The following HSD17B7 variants were observed in gnomAD, a reference collection of about 807,000 sequenced individuals.
The protein encoded by HSD17B7 is hydroxysteroid 17-beta dehydrogenase 7.
A neutral mutation model predicts 34.1 loss-of-function variants in HSD17B7; 17 were observed. The observed-to-expected ratio is 0.50, with a 90% CI of 0.34 to 0.75. The LOEUF is 0.75. Among genes scored for constraint, HSD17B7 ranks in the 30% least tolerant of loss-of-function variants. The pLI, the probability that HSD17B7 is intolerant of heterozygous loss-of-function variation, is 0.01. For synonymous variants in HSD17B7, 122 were observed against 154.6 expected (o/e 0.79, Z 1.56); for missense variants, 296 against 406.6 (o/e 0.73, Z 2.34).
rs751097341 is a variant in HSD17B7, at chr1:162,805,473, A to T, written c.884A>T (p.Asn295Ile). Residue 295 changes from asparagine (N) to isoleucine (I), a missense_variant, in exon 8 of 9, where the codon AAT (asparagine) becomes ATT (isoleucine). Physicochemically the swap from Asn to Ile is moderately radical, Grantham distance 149. Coordinates refer to ENST00000254521, the MANE Select transcript of HSD17B7 (RefSeq NM_016371.4). ...YLSATTGFGRNYIMTQKMDLD... is the reference protein window; with the variant it reads ...YLSATTGFGRIYIMTQKMDLD... Reference sequence around the variant, plus strand: ...AGTGCCACCACTGGCTTTGGAAGAAATTACATTATGACCCAGAAGGTAAAT... The same window carrying T: ...AGTGCCACCACTGGCTTTGGAAGAATTTACATTATGACCCAGAAGGTAAAT... The T allele has an allele frequency of 6.2e-7, 1 of 1,612,916 alleles. No individual in the cohort carries two copies. The highest frequency in any genetic ancestry group is 2.2e-5 in the East Asian group (1 of 44,874).
At chr1:162,812,196 C>T (rs1271714627) in intron 8 of HSD17B7, 102 bp from the exon 9 acceptor site, 9 of 1,412,178 alleles carry the variant, frequency 6.4e-6, no homozygotes, top group Non-Finnish European at 8.5e-6. Flanking sequence ...TTCCTGCTGC[C>T]TCCTTTCTTT....
Position 162,790,760 on chromosome 1 carries a change from G to C in HSD17B7, c.-41G>C, listed in dbSNP as rs1343497876. On this transcript the variant is annotated 5_prime_UTR_variant, in exon 1 of 9. Transcript: ENST00000254521. ...AATCGTAGGACTTCCGAAAGCAGCG[G>C]CGGTGTTTGCTTCACTGCTTGGAAG... The C allele has an allele frequency of 2.0e-5, 26 of 1,301,428 alleles. No homozygotes were observed. Among genetic ancestry groups the C allele is most frequent in the Non-Finnish European group, 2.9e-5 (26 of 906,190 alleles). 80.6% of individuals were successfully genotyped at this position (1,301,428 alleles called of 1,614,324 possible).
chr1:162,810,610 C>A (rs1201508665), intron 8 of HSD17B7, among the ~76,000 whole-genome samples: 1 of 152,028 alleles, frequency 6.6e-6, no homozygotes, highest in African/African-American at 2.4e-5. Context: ...TCTCTAAGGA[C>A]TTGCTTTATG....
intron 8 of HSD17B7, among the ~76,000 whole-genome samples, chr1:162,806,687 G>A (rs1648990767): frequency 6.6e-6 from 1 of 152,126 alleles, no homozygotes; most frequent in Non-Finnish European, 1.5e-5. Flanking sequence ...TAAACTAATA[G>A]CTTACTTTAG....
In HSD17B7 at chr1:162,808,807, C is replaced by G. The variant is rs367616989; in HGVS notation, c.903+3315C>G. 6.9e-4 allele frequency among the ~76,000 whole-genome samples: 105 copies of G among 152,198 alleles called. 2 individuals carry two copies. The East Asian group carries it at 0.019, about 27-fold the overall frequency. ...TGTATAAGAATGCTTGTGATTTTTG[C>G]ACATTGATTTTGTATCCTGAGACTT... On this transcript the variant is annotated intron_variant, in intron 8 of 8. Coordinates refer to ENST00000254521, the MANE Select transcript of HSD17B7 (RefSeq NM_016371.4).
chr1:162,810,332 T>C (rs1416806705), intron 8 of HSD17B7, among the ~76,000 whole-genome samples: 2 of 152,216 alleles, frequency 1.3e-5, no homozygotes, highest in Admixed American at 1.3e-4. Flanking sequence ...TTATAATTTC[T>C]GTTCTTCCAC....
rs535334189 is a variant in HSD17B7, at chr1:162,792,450, A to G, written c.36-209A>G. The G allele has an allele frequency of 1.2e-4, 78 of 673,176 alleles. No homozygotes were observed. In the Middle Eastern group the frequency reaches 4.4e-3, roughly 38 times the overall value. 41.7% of individuals were successfully genotyped at this position (673,176 alleles called of 1,614,324 possible). A position where few individuals can be genotyped will look rare whatever the true frequency, so the allele number is the denominator to read the frequency against. On this transcript the variant is annotated intron_variant, in intron 1 of 8. Transcript: ENST00000254521. Reference sequence around the variant, plus strand: ...TATTTTGTCATTGAAGTTTTTCAAAATGAGAAAAACACAAACTAGGCTGTG... The same window carrying G: ...TATTTTGTCATTGAAGTTTTTCAAAGTGAGAAAAACACAAACTAGGCTGTG...
intron 8 of HSD17B7, among the ~76,000 whole-genome samples, chr1:162,810,983 C>T (rs903220441): frequency 6.6e-6 from 1 of 152,136 alleles, no homozygotes; most frequent in African/African-American, 2.4e-5. Flanking sequence ...GAATTTGATC[C>T]TGTCATTATG....
At chr1:162,791,883 T>A (rs1293525878) in intron 1 of HSD17B7, among the ~76,000 whole-genome samples, 1 of 152,170 alleles carries the variant, frequency 6.6e-6, no homozygotes, top group Non-Finnish European at 1.5e-5. Context: ...TATTAACATA[T>A]TTGCCTGGAA....
rs1442311014 is a variant in HSD17B7, at chr1:162,792,440, GT to G, written c.36-214del. 20 of 615,416 alleles carry G rather than the reference GT, an allele frequency of 3.2e-5. No homozygotes were observed. In the African/African-American group the frequency reaches 3.5e-4, roughly 11 times the overall value. The allele number at this position is 615,416 out of a possible 1,614,324, so 38.1% of individuals were successfully genotyped here. Reference sequence around the variant, plus strand: ...TCAGTCCAGTTATTTTGTCATTGAAGTTTTTCAAAATGAGAAAAACACAAAC... The same window carrying G: ...TCAGTCCAGTTATTTTGTCATTGAAGTTTTCAAAATGAGAAAAACACAAAC... On this transcript the variant is annotated intron_variant, in intron 1 of 8. Transcript: ENST00000254521.
intron 5 of HSD17B7, chr1:162,800,273 A>G (rs1300810556): frequency 8.3e-6 from 4 of 481,952 alleles, no homozygotes. Context: ...GGTGGGTCTA[A>G]GTATTACCAT....
chr1:162,808,094 G>A (rs1228186644), intron 8 of HSD17B7, among the ~76,000 whole-genome samples: 3 of 152,202 alleles, frequency 2.0e-5, no homozygotes, highest in Non-Finnish European at 2.9e-5. Context: ...GGTTTTTATG[G>A]TTTTAGGTCT....
At chr1:162,808,592 A>G (rs1169564261) in intron 8 of HSD17B7, among the ~76,000 whole-genome samples, 2 of 152,140 alleles carry the variant, frequency 1.3e-5, no homozygotes, top group Non-Finnish European at 1.5e-5. Context: ...GATTCTTCCT[A>G]TCTATGAGCA....
intron 8 of HSD17B7, among the ~76,000 whole-genome samples, chr1:162,807,292 A>T (rs1649017030): frequency 1.3e-5 from 2 of 152,192 alleles, no homozygotes; most frequent in South Asian, 4.1e-4. Context: ...GTCCCTACAA[A>T]GGATATGAAC....
rs1648621956 is a variant in HSD17B7 at position 162,796,674 on chromosome 1, C to T, written c.329C>T (p.Ser110Leu). The T allele has an allele frequency of 6.3e-7, 1 of 1,599,982 alleles. No individual in the cohort carries two copies. The highest frequency in any genetic ancestry group is 8.6e-7 in the Non-Finnish European group (1 of 1,167,208). ...NIKALFFGLF[S>L]RKVIHMFSTA... Reference sequence around the variant, plus strand: ...AAAGCACTTTTCTTTGGCCTCTTTTCAAGGTAATTTTCGTTTTATGGATGA... The same window carrying T: ...AAAGCACTTTTCTTTGGCCTCTTTTTAAGGTAATTTTCGTTTTATGGATGA... The change falls in exon 3 of 9, where the codon TCA becomes TTA. Residue 110 changes from serine (S) to leucine (L), a missense_variant. By Grantham distance (145) the Ser-to-Leu change is moderately radical (BLOSUM62 -2). Coordinates refer to ENST00000254521, the MANE Select transcript of HSD17B7 (RefSeq NM_016371.4).
intron 1 of HSD17B7, 101 bp downstream of exon 1, chr1:162,790,936 C>A: frequency 2.5e-6 from 2 of 812,774 alleles, no homozygotes; most frequent in Non-Finnish European, 4.2e-6. Flanking sequence ...GCGCCCGCCC[C>A]TGGCTTTGCC....
At chr1:162,790,912 A>G in intron 1 of HSD17B7, 77 bp downstream of exon 1, 1 of 1,129,234 alleles carries the variant, frequency 8.9e-7, no homozygotes, top group Non-Finnish European at 1.3e-6. Flanking sequence ...ACCCTCCACG[A>G]ACGGACCCCG....
intron 2 of HSD17B7, chr1:162,795,777 G>T (rs1294599045): frequency 2.4e-6 from 1 of 413,000 alleles, no homozygotes; most frequent in East Asian, 7.2e-5. Context: ...TATGGTGTCT[G>T]TGAGTATCAT....
chr1:162,792,917 TAATAA>T (rs1361550414), intron 2 of HSD17B7, 55 bp downstream of exon 2: 2 of 1,548,350 alleles, frequency 1.3e-6, no homozygotes, highest in Non-Finnish European at 1.8e-6. Flanking sequence ...GCATAACACT[TAATAA>T]AATAAGAGAG....
Sources: allele counts gnomAD v4.1 joint callset (sites outside exome capture counted in the v4.1 genomes callset), GRCh38; gene constraint gnomAD v4.1.1; transcripts MANE v1.5; gene names NCBI Gene and HGNC (gene_info 2026-07-23, HGNC 2026-07-21).